The following KLHL29 variants were observed in gnomAD, a reference collection of about 807,000 sequenced individuals.
KLHL29 encodes kelch like family member 29.
In KLHL29, 21 loss-of-function variants were observed where a neutral mutation model predicts 80.4. The ratio of observed to expected loss-of-function variants is 0.26; its 90% CI spans 0.19 to 0.38. The LOEUF is 0.38. KLHL29 is among the 10% of genes least tolerant of loss of function. The pLI is 1.00. For missense variants in KLHL29, 867 were observed against 1,223.9 expected, an observed-to-expected ratio of 0.71 and a Z score of 4.35; for synonymous variants, 511 against 526.8, an observed-to-expected ratio of 0.97 and a Z score of 0.41.
At chr2:23,640,241 TA>T (rs1365547766) in intron 4 of KLHL29, among the ~76,000 whole-genome samples, 10 of 152,294 alleles carry the variant, frequency 6.6e-5, no homozygotes, top group African/African-American at 2.2e-4. Context: ...CCCTCCCAAT[TA>T]TGTTCCCTGC....
intron 5 of KLHL29, among the ~76,000 whole-genome samples, chr2:23,661,340 T>TAAA (rs11483622): frequency 0.12 from 16,692 of 134,534 alleles, 1,274 homozygotes; most frequent in Middle Eastern, 0.17. Flanking sequence ...AGACCCTGTC[T>TAAA]AAAAAAAAAA....
intron 3 of KLHL29, among the ~76,000 whole-genome samples, chr2:23,632,643 C>G (rs1408384742): frequency 1.3e-5 from 2 of 152,262 alleles, no homozygotes; most frequent in Non-Finnish European, 2.9e-5. Context: ...AAATGCACTT[C>G]TGCTAGGAGC....
intron 3 of KLHL29, among the ~76,000 whole-genome samples, chr2:23,627,444 C>T (rs573132677): frequency 7.9e-5 from 12 of 152,350 alleles, no homozygotes; most frequent in Admixed American, 4.6e-4. Flanking sequence ...ATTCCCACCA[C>T]GGAGCGGTCA....
chr2:23,598,286 A>G (rs1219560511), intron 3 of KLHL29, among the ~76,000 whole-genome samples: 2 of 152,226 alleles, frequency 1.3e-5, no homozygotes, highest in African/African-American at 2.4e-5. Flanking sequence ...AGGGAAGTTC[A>G]TTTACCAAGA....
At chr2:23,658,831 G>A (rs1048046858) in intron 5 of KLHL29, among the ~76,000 whole-genome samples, 1 of 152,218 alleles carries the variant, frequency 6.6e-6, no homozygotes, top group Non-Finnish European at 1.5e-5. Context: ...TGCTGGGCCG[G>A]TCAGAGGGCC....
At chr2:23,613,321 T>C (rs1668915432) in intron 3 of KLHL29, among the ~76,000 whole-genome samples, 1 of 151,418 alleles carries the variant, frequency 6.6e-6, no homozygotes, top group Non-Finnish European at 1.5e-5. Context: ...AAAAAACACA[T>C]TAAAAGAGAA....
chr2:23,412,723 A>G (rs1397148329), intron 1 of KLHL29, among the ~76,000 whole-genome samples: 1 of 152,190 alleles, frequency 6.6e-6, no homozygotes, highest in African/African-American at 2.4e-5. Flanking sequence ...CAAAGGCAAC[A>G]CTGCGGAAAT....
intron 3 of KLHL29, among the ~76,000 whole-genome samples, chr2:23,634,353 G>C (rs13409268): frequency 0.05 from 7,511 of 149,622 alleles, 547 homozygotes; most frequent in African/African-American, 0.17. Flanking sequence ...GTCTCTGTCA[G>C]ATGTATCTAG....
intron 2 of KLHL29, among the ~76,000 whole-genome samples, chr2:23,527,129 C>G (rs1666350929): frequency 6.6e-6 from 1 of 152,170 alleles, no homozygotes; most frequent in Non-Finnish European, 1.5e-5. Flanking sequence ...CATTCTGAAA[C>G]CAGGCTCCTT....
chr2:23,472,898 G>A (rs1664537241), intron 1 of KLHL29, among the ~76,000 whole-genome samples: 1 of 152,162 alleles, frequency 6.6e-6, no homozygotes. Flanking sequence ...ATCTATCGGG[G>A]TCTTGAAATA....
Position 23,703,782 on chromosome 2 carries a change from C to A in KLHL29, c.2363C>A (p.Ala788Asp). 6.5e-7 allele frequency: 1 copy of A among 1,537,362 alleles called. No individual in the cohort carries two copies. Among genetic ancestry groups the A allele is most frequent in the Non-Finnish European group, 8.7e-7 (1 of 1,146,920 alleles). ...GTTTTCATCCTGGGCGGGGCTTATG[C>A]CAGAGCTACCACCATCTACGACCCT... Reference protein sequence around the residue: ...GFVFILGGAYARATTIYDPEK... With the variant: ...GFVFILGGAYDRATTIYDPEK... Residue 788 changes from alanine (A) to aspartate (D), a missense_variant, in exon 13 of 14, where the codon GCC (alanine) becomes GAC (aspartate). By Grantham distance (126) the Ala-to-Asp change is moderately radical. Transcript: ENST00000486442.
intron 5 of KLHL29, among the ~76,000 whole-genome samples, chr2:23,648,038 G>C (rs1237570021): frequency 1.3e-5 from 2 of 152,098 alleles, no homozygotes; most frequent in African/African-American, 4.8e-5. Context: ...CATGAAAGCA[G>C]GTCAGTGCTC....
At chr2:23,425,103 C>G (rs185399574) in intron 1 of KLHL29, among the ~76,000 whole-genome samples, 1 of 151,964 alleles carries the variant, frequency 6.6e-6, no homozygotes, top group South Asian at 2.1e-4. Flanking sequence ...ATATAATGAA[C>G]GTTATTAAAA....
intron 1 of KLHL29, among the ~76,000 whole-genome samples, chr2:23,422,139 G>A (rs1662832571): frequency 6.6e-6 from 1 of 151,738 alleles, no homozygotes; most frequent in Non-Finnish European, 1.5e-5. Context: ...TGTGTGTTGT[G>A]TGTGTCTGTG....
At position 23,691,829 on chromosome 2, in the gene KLHL29, G is replaced by C. The variant is rs1238989507; in HGVS notation, c.1235G>C (p.Ser412Thr). The C allele has an allele frequency of 6.4e-7, 1 of 1,551,542 alleles. No individual in the cohort carries two copies. The highest frequency in any genetic ancestry group is 8.7e-7 in the Non-Finnish European group (1 of 1,147,014). ...ANAKTLLEAA[S>T]KFQFHTFCKV... The stretch of plus-strand genomic sequence containing the variant: ...GCCAAGACACTGCTGGAGGCGGCCA[G>C]CAAGTTCCAGTTCCACACCTTCTGC... Residue 412 changes from serine (S) to threonine (T), a missense_variant, in exon 7 of 14, where the codon AGC becomes ACC. By Grantham distance (58) the Ser-to-Thr change is moderately conservative. This residue lies in a region of KLHL29 where 443 missense variants were observed against 767.0 expected (regional missense o/e 0.58). Coordinates refer to ENST00000486442, the MANE Select transcript of KLHL29 (RefSeq NM_052920.2).
chr2:23,601,125 C>T (rs1175988617), intron 3 of KLHL29, among the ~76,000 whole-genome samples: 2 of 152,072 alleles, frequency 1.3e-5, no homozygotes, highest in Non-Finnish European at 2.9e-5. Context: ...CCCAAGTTTG[C>T]GCTCCTGGCC....
intron 3 of KLHL29, among the ~76,000 whole-genome samples, chr2:23,579,060 G>T (rs572578231): frequency 7.9e-5 from 12 of 152,206 alleles, no homozygotes; most frequent in Non-Finnish European, 1.6e-4. Context: ...CGTTCTGTTT[G>T]TTGGTGGTTG....
chr2:23,556,296 C>G (rs375174646), intron 2 of KLHL29, among the ~76,000 whole-genome samples: 5 of 152,230 alleles, frequency 3.3e-5, no homozygotes, highest in African/African-American at 1.2e-4. Context: ...GATGACCCCC[C>G]TCGCGGAGGC....
intron 2 of KLHL29, among the ~76,000 whole-genome samples, chr2:23,494,005 A>G (rs1336198771): frequency 2.0e-5 from 3 of 152,242 alleles, no homozygotes; most frequent in African/African-American, 7.2e-5. Context: ...TACTACTGCT[A>G]TCTCTCGAAA....
Sources: allele counts gnomAD v4.1 joint callset (sites outside exome capture counted in the v4.1 genomes callset), GRCh38; gene constraint gnomAD v4.1.1; regional missense constraint gnomAD v4.1.1; transcripts MANE v1.5; gene names NCBI Gene and HGNC (gene_info 2026-07-23, HGNC 2026-07-21).